C2CD5: variants seen among roughly 807,000 people sequenced by gnomAD.
The protein encoded by C2CD5 is C2 domain-containing protein 5.
C2CD5 carries 109 observed loss-of-function variants against 130.3 expected under a neutral mutation model. That is an observed-to-expected ratio of 0.84 (90% CI 0.72 to 0.98). C2CD5 has a LOEUF of 0.98. Among genes scored for constraint, C2CD5 ranks in the 50% least tolerant of loss-of-function variants. The probability of loss-of-function intolerance (pLI) is 0.00; values close to 1 mark genes in which losing one functional copy is unlikely to be tolerated. For synonymous variants in C2CD5, 454 were observed against 429.2 expected, an observed-to-expected ratio of 1.06 and a Z score of -0.71; for missense variants, 996 against 1,261.8, an observed-to-expected ratio of 0.79 and a Z score of 3.19.
At chr12:22,536,801 T>C (rs968228673) in intron 2 of C2CD5, among the ~76,000 whole-genome samples, 9 of 152,078 alleles carry the variant, frequency 5.9e-5, no homozygotes, top group African/African-American at 2.2e-4. Flanking sequence ...TATATTTGAG[T>C]GTTTCAATCT....
At chr12:22,449,970 T>C in intron 26 of C2CD5, 79 bp from the exon 27 acceptor site, 4 of 1,154,982 alleles carry the variant, frequency 3.5e-6, no homozygotes, top group Non-Finnish European at 4.8e-6. Context: ...GGCAGTGCTG[T>C]ACAGCCAAAA....
In C2CD5 at chr12:22,523,450, T is replaced by A. The variant is rs774387876; in HGVS notation, c.776A>T (p.Asn259Ile). ...SSPAAFLPACNSPSKEMKEIP... is the reference protein window; with the variant it reads ...SSPAAFLPACISPSKEMKEIP... ...CTCCTTCATTTCTTTGGATGGGGAATTACATGCAGGAAGGAATGCTGCTGG... is the reference window on the plus strand; with the variant it reads ...CTCCTTCATTTCTTTGGATGGGGAAATACATGCAGGAAGGAATGCTGCTGG... Residue 259 changes from asparagine (N) to isoleucine (I), a missense_variant, in exon 7 of 27, where the codon AAT becomes ATT. This residue lies in a region of C2CD5 where 156 missense variants were observed against 165.9 expected (regional missense o/e 0.94). Transcript: ENST00000446597. The A allele has an allele frequency of 4.3e-6, 7 of 1,613,702 alleles. No individual in the cohort carries two copies. The African/African-American group carries it at 6.7e-5, about 15-fold the overall frequency.
At chr12:22,529,519 A>G (rs561853078) in intron 3 of C2CD5, among the ~76,000 whole-genome samples, 89 of 152,336 alleles carry the variant, frequency 5.8e-4, no homozygotes, top group Non-Finnish European at 9.6e-4. Flanking sequence ...CTTGTGATAC[A>G]TACATAGATA....
At chr12:22,499,567 G>A (rs1388253089) in intron 10 of C2CD5, among the ~76,000 whole-genome samples, 1 of 151,784 alleles carries the variant, frequency 6.6e-6, no homozygotes, top group African/African-American at 2.4e-5. Flanking sequence ...CAAAACCTAG[G>A]TTACCTATGT....
intron 10 of C2CD5, chr12:22,502,859 T>A: frequency 5.0e-6 from 5 of 1,007,394 alleles, no homozygotes; most frequent in Admixed American, 4.3e-5. Flanking sequence ...ATAGTAGGAA[T>A]AAAACAAAAA....
chr12:22,472,453 A>AT (rs927017384), intron 17 of C2CD5, 106 bp from the exon 18 acceptor site: 9 of 666,276 alleles, frequency 1.4e-5, no homozygotes, highest in African/African-American at 7.4e-5. Flanking sequence ...AACACCCTTC[A>AT]TTTTTTTTCT....
In C2CD5 at chr12:22,448,603, AT is replaced by A. The variant is rs1937902123; in HGVS notation, c.*1156del. ...TCCAGTTTATTTTTATACACTTTTT[AT>A]TTAAAAAATAAAATTATAAACAAAA... On this transcript the variant is annotated 3_prime_UTR_variant, in exon 27 of 27. Coordinates refer to ENST00000446597, the MANE Select transcript of C2CD5 (RefSeq NM_001286176.2). 6.6e-6 allele frequency: 1 copy of A among 152,274 alleles called. No homozygotes were observed. The highest frequency in any genetic ancestry group is 1.5e-5 in the Non-Finnish European group (1 of 68,018). The allele number at this position is 152,274 out of a possible 1,614,324, so 9.4% of individuals were successfully genotyped here.
chr12:22,454,809 C>G (rs1939487930), intron 25 of C2CD5, among the ~76,000 whole-genome samples: 1 of 152,276 alleles, frequency 6.6e-6, no homozygotes, highest in African/African-American at 2.4e-5. Flanking sequence ...TCCATTAGGT[C>G]AGGGACTGTA....
intron 11 of C2CD5, among the ~76,000 whole-genome samples, chr12:22,491,137 A>G (rs574339577): frequency 3.2e-4 from 49 of 152,306 alleles, no homozygotes; most frequent in African/African-American, 1.1e-3. Flanking sequence ...CTGGAACAGA[A>G]AAGATTAGTT....
intron 15 of C2CD5, among the ~76,000 whole-genome samples, chr12:22,477,581 A>G (rs918889369): frequency 1.3e-5 from 2 of 152,166 alleles, no homozygotes; most frequent in Non-Finnish European, 2.9e-5. Flanking sequence ...TTACATATGT[A>G]TACGTGTGAA....
chr12:22,525,440 T>TGAG (rs1039273434), intron 5 of C2CD5, among the ~76,000 whole-genome samples, 170 bp downstream of exon 5: 5 of 152,338 alleles, frequency 3.3e-5, no homozygotes, highest in Admixed American at 3.3e-4. Flanking sequence ...TAGATATCAT[T>TGAG]TATACTCAAA....
At chr12:22,537,500 C>T (rs1951935166) in intron 2 of C2CD5, among the ~76,000 whole-genome samples, 1 of 152,140 alleles carries the variant, frequency 6.6e-6, no homozygotes, top group South Asian at 2.1e-4. Context: ...TCTCGGTTCA[C>T]TTAGTCTTAA....
intron 12 of C2CD5, among the ~76,000 whole-genome samples, chr12:22,486,226 G>A (rs1438521059): frequency 6.7e-6 from 1 of 150,214 alleles, no homozygotes; most frequent in Non-Finnish European, 1.5e-5. Flanking sequence ...ACACTCTGAA[G>A]CTTTTGCTTA....
Position 22,471,994 on chromosome 12 carries a change from A to G in C2CD5, c.2241T>C (p.Phe747=), listed in dbSNP as rs375572303. ...TGAGCAAATTTTCACAGAGATCATT[A>G]AAGTTCTTATTGAGAGCTTGATTAG... ...NLTNQALNKN[F]NDLCENLLKS... Residue 747 remains phenylalanine, a synonymous_variant, in exon 19 of 27, where the codon TTT becomes TTC. Transcript: ENST00000446597. 1,453 of 1,607,442 alleles carry G rather than the reference A, an allele frequency of 9.0e-4. 6 individuals are homozygous for G. The highest frequency in any genetic ancestry group is 5.3e-3 in the Middle Eastern group (32 of 6,024).
At chr12:22,474,923 GA>G in intron 15 of C2CD5, 32 bp from the exon 16 acceptor site, 1 of 1,463,424 alleles carries the variant, frequency 6.8e-7, no homozygotes, top group African/African-American at 1.4e-5. Flanking sequence ...TATATCATAT[GA>G]GATTGTCTTT....
intron 17 of C2CD5, 56 bp from the exon 18 acceptor site, chr12:22,472,403 T>C: frequency 1.1e-6 from 1 of 935,446 alleles, no homozygotes; most frequent in South Asian, 1.6e-5. Flanking sequence ...ATTTTTGTGT[T>C]AAATGACATT....
At position 22,475,079 on chromosome 12, in the gene C2CD5, G is replaced by A. The variant is rs145763413; in HGVS notation, c.1903-188C>T. On this transcript the variant is annotated intron_variant, in intron 15 of 26. Coordinates refer to ENST00000446597, the MANE Select transcript of C2CD5 (RefSeq NM_001286176.2). ...AGATATGGCAGCCTTAATGATACACGAATCAGAAAAATATATATAACTGTC... is the reference window on the plus strand; with the variant it reads ...AGATATGGCAGCCTTAATGATACACAAATCAGAAAAATATATATAACTGTC... Among the ~76,000 whole-genome samples the A allele has an allele frequency of 4.1e-3, 616 of 152,034 alleles. 5 individuals carry two copies. Among genetic ancestry groups the A allele is most frequent in the African/African-American group, 0.013 (548 of 41,490 alleles).
intron 2 of C2CD5, 76 bp from the exon 3 acceptor site, chr12:22,535,420 C>G (rs1951726519): frequency 1.3e-6 from 1 of 757,936 alleles, no homozygotes. Flanking sequence ...GTCAGCCAAC[C>G]AATAGAAGGA....
At position 22,506,686 on chromosome 12, in the gene C2CD5, A is replaced by T. The variant is rs969842923; in HGVS notation, c.1147+25T>A. On this transcript the variant is annotated intron_variant, in intron 10 of 26. Coordinates refer to ENST00000446597, the MANE Select transcript of C2CD5 (RefSeq NM_001286176.2). ...AATAACCACAATTTAAATAAAGGAA[A>T]CATTGAAACTTTTTAAGAACATACC... 2.4e-6 allele frequency: 3 copies of T among 1,232,722 alleles called. No homozygotes were observed. The Admixed American group carries it at 5.6e-5, about 23-fold the overall frequency. The allele number at this position is 1,232,722 out of a possible 1,614,324, so 76.4% of individuals were successfully genotyped here. A position where few individuals can be genotyped will look rare whatever the true frequency, so the allele number is the denominator to read the frequency against.
Sources: allele counts gnomAD v4.1 joint callset (sites outside exome capture counted in the v4.1 genomes callset), GRCh38; gene constraint gnomAD v4.1.1; regional missense constraint gnomAD v4.1.1; transcripts MANE v1.5; gene names NCBI Gene and HGNC (gene_info 2026-07-23, HGNC 2026-07-21).